ADAMTSL3: variants seen among roughly 807,000 people sequenced by gnomAD.
ADAMTSL3 encodes ADAMTS like 3.
ADAMTSL3 carries 128 observed loss-of-function variants against 201.7 expected under a neutral mutation model. That is an observed-to-expected ratio of 0.63 (90% CI 0.55 to 0.73). ADAMTSL3 has a LOEUF of 0.73. ADAMTSL3 is among the 30% of genes least tolerant of loss of function. ADAMTSL3 has a pLI of 0.00. For synonymous variants in ADAMTSL3, 738 were observed against 748.4 expected, an observed-to-expected ratio of 0.99 and a Z score of 0.23; for missense variants, 1,990 against 2,119.6, an observed-to-expected ratio of 0.94 and a Z score of 1.20.
intron 2 of ADAMTSL3, among the ~76,000 whole-genome samples, chr15:83,669,281 G>C (rs146090648): frequency 2.0e-4 from 30 of 151,980 alleles, no homozygotes; most frequent in Non-Finnish European, 3.8e-4. Flanking sequence ...CAGTAGCTGG[G>C]ATTACAGTTG....
chr15:83,821,970 C>T (rs1423107731), intron 6 of ADAMTSL3, among the ~76,000 whole-genome samples: 1 of 148,434 alleles, frequency 6.7e-6, no homozygotes, highest in Non-Finnish European at 1.5e-5. Context: ...CCCTCACCTC[C>T]CGGACGGGGC....
intron 20 of ADAMTSL3, among the ~76,000 whole-genome samples, chr15:83,977,019 G>C (rs1021658894): frequency 6.6e-6 from 1 of 152,192 alleles, no homozygotes; most frequent in African/African-American, 2.4e-5. Context: ...ACGGATACTG[G>C]TCCATAGCCT....
chr15:83,707,613 T>A (rs1208041897), intron 3 of ADAMTSL3, among the ~76,000 whole-genome samples: 3 of 152,192 alleles, frequency 2.0e-5, no homozygotes, highest in East Asian at 3.9e-4. Context: ...TATCCCACAT[T>A]CAAGAAGTAA....
In ADAMTSL3 at chr15:83,982,433, C is replaced by T. The variant is rs8031704; in HGVS notation, c.2805C>T (p.Pro935=). ...LPNTSVIIKC[P]VRRFQKSLIQ... ...ACACATCCGTGATTATTAAGTGCCC[C>T]GTGCGACGATTCCAGAAATCTCTGA... is the stretch of plus-strand genomic sequence containing the variant. Residue 935 remains proline (P), a synonymous_variant, in exon 21 of 30, where the codon CCC becomes CCT. Coordinates refer to ENST00000286744, the MANE Select transcript of ADAMTSL3 (RefSeq NM_207517.3). 2.5e-6 allele frequency: 4 copies of T among 1,613,818 alleles called. No homozygotes were observed. The highest frequency in any genetic ancestry group is 2.2e-5 in the South Asian group (2 of 91,058).
intron 3 of ADAMTSL3, among the ~76,000 whole-genome samples, chr15:83,749,536 G>C (rs2062604447): frequency 6.6e-6 from 1 of 152,218 alleles, no homozygotes; most frequent in Non-Finnish European, 1.5e-5. Context: ...AAGTGCAGTA[G>C]GAGGTGATGT....
In ADAMTSL3 at chr15:83,870,724, T is replaced by C. The variant is rs17158590; in HGVS notation, c.803-78T>C. ...ATTGTTTTGATATCATATACTGACA[T>C]TGTATTTGCTAAAATGTCTTTTGTA... On this transcript the variant is annotated intron_variant, in intron 8 of 29. Coordinates refer to ENST00000286744, the MANE Select transcript of ADAMTSL3 (RefSeq NM_207517.3). 0.13 allele frequency: 156,057 copies of C among 1,217,714 alleles called. 11,624 individuals are homozygous for C. Among genetic ancestry groups the C allele is most frequent in the East Asian group, 0.33 (12,646 of 38,756 alleles). 75.4% of individuals were successfully genotyped at this position (1,217,714 alleles called of 1,614,324 possible).
intron 23 of ADAMTSL3, among the ~76,000 whole-genome samples, chr15:83,992,218 C>T (rs1315296607): frequency 6.6e-6 from 1 of 152,138 alleles, no homozygotes; most frequent in African/African-American, 2.4e-5. Context: ...TCCCAGGACA[C>T]ACTTATCCAG....
At chr15:84,015,942 T>A (rs551872862) in intron 24 of ADAMTSL3, among the ~76,000 whole-genome samples, 1 of 152,276 alleles carries the variant, frequency 6.6e-6, no homozygotes, top group African/African-American at 2.4e-5. Flanking sequence ...TCCTCCACCA[T>A]CCTCTGCTCT....
At chr15:83,776,389 A>G (rs34233743) in intron 4 of ADAMTSL3, among the ~76,000 whole-genome samples, 1 of 152,216 alleles carries the variant, frequency 6.6e-6, no homozygotes. Flanking sequence ...AAGGAGACAA[A>G]CAATAAACAA....
chr15:83,988,867 T>TTTTTTTTATTTATTTATTTATTTA (rs2067531556), intron 22 of ADAMTSL3, 49 bp downstream of exon 22: 2 of 1,047,978 alleles, frequency 1.9e-6, no homozygotes, highest in African/African-American at 4.5e-5. Context: ...TATTTTTTAT[T>TTTTTTTTATTTATTTATTTATTTA]TTTATTTATT....
At chr15:83,932,752 T>TA (rs1233292907) in intron 17 of ADAMTSL3, among the ~76,000 whole-genome samples, 1 of 152,212 alleles carries the variant, frequency 6.6e-6, no homozygotes, top group African/African-American at 2.4e-5. Context: ...ATGTATCTTC[T>TA]ACCCAGACCT....
chr15:84,008,482 G>A (rs1379692891), intron 23 of ADAMTSL3, among the ~76,000 whole-genome samples: 1 of 152,086 alleles, frequency 6.6e-6, no homozygotes, highest in Non-Finnish European at 1.5e-5. Context: ...TCTGCTTTGA[G>A]GAAACCACTT....
intron 4 of ADAMTSL3, among the ~76,000 whole-genome samples, chr15:83,801,659 T>TAAATAA (rs1567154055): frequency 2.5e-5 from 1 of 39,826 alleles, no homozygotes; most frequent in African/African-American, 9.3e-5. Context: ...TAAATATATA[T>TAAATAA]ATATATATAT....
Position 83,970,552 on chromosome 15 carries a change from T to C in ADAMTSL3, c.2559T>C (p.Gly853=). Reference sequence around the variant, plus strand: ...TGTGTCAAAGGCTGGCAGCCAAAGGTCGGCGCATCCCCCTCAGTGAGATGA... The same window carrying C: ...TGTGTCAAAGGCTGGCAGCCAAAGGCCGGCGCATCCCCCTCAGTGAGATGA... ...KQVCQRLAAK[G]RRIPLSEMMC... is the part of the protein sequence containing the mutation. Residue 853 remains glycine, a synonymous_variant, in exon 20 of 30, where the codon GGT becomes GGC. Transcript: ENST00000286744. 4 of 1,614,192 alleles carry C rather than the reference T, an allele frequency of 2.5e-6. No individual in the cohort carries two copies. The highest frequency in any genetic ancestry group is 3.4e-6 in the Non-Finnish European group (4 of 1,180,032).
Position 83,826,644 on chromosome 15 carries a change from A to G in ADAMTSL3, c.600+6597A>G, listed in dbSNP as rs2064029449. On this transcript the variant is annotated intron_variant, in intron 6 of 29. Coordinates refer to ENST00000286744, the MANE Select transcript of ADAMTSL3 (RefSeq NM_207517.3). Reference sequence around the variant, plus strand: ...TCATTTACATTAGGTATATCTCCTAATGCTATCCCTCCCCCCTCCCCCCAC... The same window carrying G: ...TCATTTACATTAGGTATATCTCCTAGTGCTATCCCTCCCCCCTCCCCCCAC... 2.0e-5 allele frequency among the ~76,000 whole-genome samples: 3 copies of G among 147,486 alleles called. No individual in the cohort carries two copies. In the South Asian group the frequency reaches 6.7e-4, roughly 33 times the overall value.
intron 25 of ADAMTSL3, among the ~76,000 whole-genome samples, chr15:84,017,373 TC>T (rs1271569092): frequency 7.2e-5 from 11 of 152,160 alleles, no homozygotes; most frequent in African/African-American, 2.2e-4. Context: ...CACCTTGGCC[TC>T]CCAAAGTGCT....
At chr15:83,889,088 G>A (rs2065455281) in intron 10 of ADAMTSL3, among the ~76,000 whole-genome samples, 1 of 152,194 alleles carries the variant, frequency 6.6e-6, no homozygotes, top group Non-Finnish European at 1.5e-5. Flanking sequence ...GGAAATAGAA[G>A]CATCATTTTG....
intron 3 of ADAMTSL3, among the ~76,000 whole-genome samples, chr15:83,711,002 G>C (rs2061925991): frequency 6.6e-6 from 1 of 152,146 alleles, no homozygotes; most frequent in South Asian, 2.1e-4. Context: ...ATGTTTGAAT[G>C]AATTTTTAAT....
intron 4 of ADAMTSL3, among the ~76,000 whole-genome samples, chr15:83,801,722 C>A (rs1379718059): frequency 1.8e-5 from 2 of 114,182 alleles, no homozygotes; most frequent in African/African-American, 6.4e-5. Flanking sequence ...CATAGATGGA[C>A]CAATGAAGAA....
Sources: gnomAD v4.1 joint callset for allele counts (sites outside exome capture counted in the v4.1 genomes callset) on GRCh38, gnomAD v4.1.1 for gene constraint, MANE v1.5 for transcripts, NCBI Gene and HGNC (gene_info 2026-07-23, HGNC 2026-07-21) for gene names.